ATF7IP: variants seen among roughly 807,000 people sequenced by gnomAD.
The protein encoded by ATF7IP is activating transcription factor 7-interacting protein 1.
A neutral mutation model predicts 106.4 loss-of-function variants in ATF7IP; 23 were observed. The observed-to-expected ratio is 0.22, with a 90% CI of 0.16 to 0.31. The LOEUF is 0.31. Ranked by LOEUF, ATF7IP falls within the 10% of genes least tolerant of loss-of-function variation. ATF7IP has a pLI of 1.00. For synonymous variants in ATF7IP, 542 were observed against 539.0 expected (o/e 1.01, Z -0.08); for missense variants, 1,334 against 1,524.3 (o/e 0.88, Z 2.08).
At chr12:14,486,405 A>G (rs888496664) in intron 13 of ATF7IP, among the ~76,000 whole-genome samples, 1 of 152,146 alleles carries the variant, frequency 6.6e-6, no homozygotes, top group Admixed American at 6.5e-5. Flanking sequence ...AGAAAGATTC[A>G]CTGCGTAAAT....
rs1280414878 is a variant in ATF7IP at position 14,456,514 on chromosome 12, C to T, written c.1996-47C>T. 2.2e-6 allele frequency: 3 copies of T among 1,358,030 alleles called. No homozygotes were observed. In the African/African-American group the frequency reaches 4.3e-5, roughly 20 times the overall value. The allele number at this position is 1,358,030 out of a possible 1,614,324, so 84.1% of individuals were successfully genotyped here. Reference sequence around the variant, plus strand: ...GGTCTAATTTTTTTTTAAAGATTCCCTGTGTGTTGAGTTTTATTTTTACCT... The same window carrying T: ...GGTCTAATTTTTTTTTAAAGATTCCTTGTGTGTTGAGTTTTATTTTTACCT... On this transcript the variant is annotated intron_variant, in intron 6 of 14. Transcript: ENST00000261168.
Position 14,457,489 on chromosome 12 carries a change from C to T in ATF7IP, c.2158+194C>T, listed in dbSNP as rs181197882. Among the ~76,000 whole-genome samples the T allele has an allele frequency of 3.9e-5, 6 of 152,148 alleles. No homozygotes were observed. In the East Asian group the frequency reaches 1.2e-3, roughly 29 times the overall value. On this transcript the variant is annotated intron_variant, in intron 8 of 14. Coordinates refer to ENST00000261168, the MANE Select transcript of ATF7IP (RefSeq NM_018179.5). Reference sequence around the variant, plus strand: ...CTTATAGTCTCAGCTACTTAGGAGGCTGAGGAGGATTACCCAAACCCAGGA... The same window carrying T: ...CTTATAGTCTCAGCTACTTAGGAGGTTGAGGAGGATTACCCAAACCCAGGA...
At position 14,425,291 on chromosome 12, in the gene ATF7IP, C is replaced by G. The variant is rs776378353; in HGVS notation, c.1376C>G (p.Pro459Arg). 6.2e-7 allele frequency: 1 copy of G among 1,603,398 alleles called. No homozygotes were observed. Among genetic ancestry groups the G allele is most frequent in the South Asian group, 1.1e-5 (1 of 88,560 alleles). ...LTCFSKTSLLPIDETNPDLEE... is the reference protein window; with the variant it reads ...LTCFSKTSLLRIDETNPDLEE... ...TGCTTTTCTAAAACATCTCTCCTTC[C>G]AATCGATGAGACAAATCCAGATTTG... Residue 459 changes from proline to arginine, a missense_variant, in exon 2 of 15, where the codon CCA (proline) becomes CGA (arginine). Around this residue, in one of 10 missense-constraint regions of ATF7IP, gnomAD observed 41 missense variants for 60.4 expected, o/e 0.68. Transcript: ENST00000261168.
In ATF7IP at chr12:14,424,334, A is replaced by G. The variant is rs1941712417; in HGVS notation, c.419A>G (p.Asp140Gly). 1 of 1,614,106 alleles carries G rather than the reference A, an allele frequency of 6.2e-7. No individual in the cohort carries two copies. Among genetic ancestry groups the G allele is most frequent in the East Asian group, 2.2e-5 (1 of 44,878 alleles). The change falls in exon 2 of 15, where the codon GAT becomes GGT. Residue 140 changes from aspartate to glycine, a missense_variant. This residue lies in a region of ATF7IP where 438 missense variants were observed against 405.3 expected (regional missense o/e 1.08). Coordinates refer to ENST00000261168, the MANE Select transcript of ATF7IP (RefSeq NM_018179.5). ...GGTGATCCAGCCCCTGGTGATCTGGATGCCGGAGATCCAGCCTCCGGAGTA... is the reference window on the plus strand; with the variant it reads ...GGTGATCCAGCCCCTGGTGATCTGGGTGCCGGAGATCCAGCCTCCGGAGTA... ...VSGDPAPGDL[D>G]AGDPASGVLA...
rs11055963 is a variant in ATF7IP at position 14,396,901 on chromosome 12, C to T, written c.-7-27008C>T. 5.9e-3 allele frequency among the ~76,000 whole-genome samples: 902 copies of T among 152,250 alleles called. 9 individuals carry two copies. Among genetic ancestry groups the T allele is most frequent in the African/African-American group, 0.02 (822 of 41,538 alleles). The stretch of plus-strand genomic sequence containing the variant: ...TGATTACAGGCGTGGTGGCTCACGC[C>T]TGTAATCCCAGCACTTTGGGAGGCC... On this transcript the variant is annotated intron_variant, in intron 1 of 14. Transcript: ENST00000261168.
At chr12:14,386,052 A>G (rs1029027827) in intron 1 of ATF7IP, among the ~76,000 whole-genome samples, 2 of 152,162 alleles carry the variant, frequency 1.3e-5, no homozygotes, top group African/African-American at 2.4e-5. Flanking sequence ...ATTTAGAAAT[A>G]AATTCACATC....
intron 2 of ATF7IP, 92 bp downstream of exon 2, chr12:14,425,565 C>A: frequency 1.5e-6 from 2 of 1,318,880 alleles, no homozygotes; most frequent in Admixed American, 2.9e-5. Context: ...TTTATTTTAG[C>A]TGCAGAGAAA....
chr12:14,502,523 CTTTG>C lies in ATF7IP; in HGVS notation c.*4454_*4457del, dbSNP rs1480026277. ...GCCGTCTTTATTATTTTTTTGAGGT[CTTTG>C]TTTTTGTCTGTTTTTGTTTTGTTTT... On this transcript the variant is annotated 3_prime_UTR_variant, in exon 15 of 15. Transcript: ENST00000261168. The C allele has an allele frequency of 1.3e-5, 2 of 151,798 alleles. No homozygotes were observed. Among genetic ancestry groups the C allele is most frequent in the Admixed American group, 6.6e-5 (1 of 15,240 alleles). 9.4% of individuals were successfully genotyped at this position (151,798 alleles called of 1,614,324 possible).
intron 3 of ATF7IP, among the ~76,000 whole-genome samples, chr12:14,434,939 T>A (rs139733816): frequency 1.1e-4 from 16 of 152,122 alleles, no homozygotes; most frequent in African/African-American, 3.6e-4. Flanking sequence ...AATATTTGAA[T>A]TAGCCAGGCA....
chr12:14,460,454 A>G, intron 8 of ATF7IP, 41 bp from the exon 9 acceptor site: 3 of 1,535,988 alleles, frequency 2.0e-6, no homozygotes, highest in Middle Eastern at 3.5e-4. Flanking sequence ...TGATAAATTA[A>G]TATAACCATT....
Position 14,460,560 on chromosome 12 carries a change from G to C in ATF7IP, c.2224G>C (p.Val742Leu), listed in dbSNP as rs1565531342. ...VSSQPKLQTP[V>L]TSGSLTATSV... ...TAGTCAACCTAAATTGCAGACTCCA[G>C]TGACTTCGGGTTCCCTCACAGCAAC... is the stretch of plus-strand genomic sequence containing the variant. Residue 742 changes from valine (V) to leucine (L), a missense_variant, in exon 9 of 15, where the codon GTG (valine) becomes CTG (leucine). Physicochemically the swap from Val to Leu is conservative, Grantham distance 32. This residue lies in a region of ATF7IP where 171 missense variants were observed against 172.6 expected (regional missense o/e 0.99). Coordinates refer to ENST00000261168, the MANE Select transcript of ATF7IP (RefSeq NM_018179.5). 1 of 1,614,178 alleles carries C rather than the reference G, an allele frequency of 6.2e-7. No homozygotes were observed. The highest frequency in any genetic ancestry group is 8.5e-7 in the Non-Finnish European group (1 of 1,180,028).
At chr12:14,391,134 C>G (rs2136435087) in intron 1 of ATF7IP, among the ~76,000 whole-genome samples, 1 of 152,256 alleles carries the variant, frequency 6.6e-6, no homozygotes, top group East Asian at 1.9e-4. Flanking sequence ...TTTAATTGCT[C>G]AGGTTAGAAC....
intron 1 of ATF7IP, among the ~76,000 whole-genome samples, chr12:14,423,027 C>G (rs1278685865): frequency 6.6e-6 from 1 of 152,104 alleles, no homozygotes; most frequent in Non-Finnish European, 1.5e-5. Flanking sequence ...TATGAAAGTT[C>G]CAGTTTTTTC....
intron 3 of ATF7IP, among the ~76,000 whole-genome samples, chr12:14,435,276 T>A: frequency 6.6e-6 from 1 of 152,170 alleles, no homozygotes; most frequent in East Asian, 1.9e-4. Context: ...TCAGTAACTT[T>A]CCTGTCATGC....
chr12:14,406,605 AG>A (rs1009618770), intron 1 of ATF7IP, among the ~76,000 whole-genome samples: 9 of 150,234 alleles, frequency 6.0e-5, no homozygotes, highest in South Asian at 2.1e-4. Context: ...AAAAAAAAAA[AG>A]TAAAATAAGC....
chr12:14,457,179 AC>A, intron 7 of ATF7IP, 27 bp from the exon 8 acceptor site: 1 of 1,557,302 alleles, frequency 6.4e-7, no homozygotes, highest in Non-Finnish European at 8.8e-7. Flanking sequence ...ATATCTATTG[AC>A]TATTGGTGTG....
chr12:14,452,381 G>T (rs1555126465), intron 6 of ATF7IP, among the ~76,000 whole-genome samples: 1 of 151,790 alleles, frequency 6.6e-6, no homozygotes, highest in Non-Finnish European at 1.5e-5. Flanking sequence ...TTGTCATTTT[G>T]TTTTTTTCTC....
chr12:14,438,577 T>C (rs548236942), intron 5 of ATF7IP, among the ~76,000 whole-genome samples: 1 of 152,290 alleles, frequency 6.6e-6, no homozygotes, highest in East Asian at 1.9e-4. Context: ...GTAGCTTCTG[T>C]TGGTTTGCGG....
intron 10 of ATF7IP, among the ~76,000 whole-genome samples, chr12:14,469,381 A>T (rs1046678503): frequency 3.0e-5 from 4 of 135,406 alleles, no homozygotes; most frequent in Non-Finnish European, 5.1e-5. Context: ...AAAAAAAAAA[A>T]AACTTGGACA....
Sources: allele counts gnomAD v4.1 joint callset (sites outside exome capture counted in the v4.1 genomes callset), GRCh38; gene constraint gnomAD v4.1.1; regional missense constraint gnomAD v4.1.1; transcripts MANE v1.5; gene names NCBI Gene and HGNC (gene_info 2026-07-23, HGNC 2026-07-21).